The following TMEM132B variants were observed in gnomAD, a reference collection of about 807,000 sequenced individuals.
The protein encoded by TMEM132B is transmembrane protein 132B.
TMEM132B carries 18 observed loss-of-function variants against 90.8 expected under a neutral mutation model. That is an observed-to-expected ratio of 0.20 (90% CI 0.14 to 0.29). The LOEUF is 0.29. TMEM132B is among the 10% of genes least tolerant of loss of function. TMEM132B has a pLI of 1.00. For missense variants in TMEM132B, 1,096 were observed against 1,326.8 expected (o/e 0.83, Z 2.70); for synonymous variants, 504 against 523.3 (o/e 0.96, Z 0.50).
chr12:125,223,295 G>C (rs552683007), intron 1 of TMEM132B, among the ~76,000 whole-genome samples: 8 of 152,332 alleles, frequency 5.3e-5, no homozygotes, highest in African/African-American at 1.7e-4. Context: ...AAATGAGAAG[G>C]AAAGGAGATT....
At chr12:125,243,873 T>C (rs1370254177) in intron 1 of TMEM132B, among the ~76,000 whole-genome samples, 1 of 152,180 alleles carries the variant, frequency 6.6e-6, no homozygotes, top group Non-Finnish European at 1.5e-5. Flanking sequence ...AGCATTTGCC[T>C]CACCCTGAAT....
At chr12:125,564,088 A>G (rs1050730960) in intron 4 of TMEM132B, among the ~76,000 whole-genome samples, 2 of 152,242 alleles carry the variant, frequency 1.3e-5, no homozygotes, top group Non-Finnish European at 2.9e-5. Context: ...AGGCAAAGAA[A>G]GGGTACGGCT....
intron 1 of TMEM132B, among the ~76,000 whole-genome samples, chr12:125,339,998 A>C (rs1343401136): frequency 6.6e-6 from 1 of 152,226 alleles, no homozygotes; most frequent in Non-Finnish European, 1.5e-5. Context: ...GAGTGTAGTC[A>C]CACAGCAAAG....
intron 2 of TMEM132B, among the ~76,000 whole-genome samples, chr12:125,369,755 A>C (rs534851400): frequency 4.2e-4 from 64 of 152,348 alleles, no homozygotes; most frequent in African/African-American, 1.5e-3. Context: ...TAACTTTAAT[A>C]AGATATTTAA....
chr12:125,635,533 G>C (rs1240367333), intron 5 of TMEM132B, among the ~76,000 whole-genome samples: 2 of 152,136 alleles, frequency 1.3e-5, no homozygotes, highest in Non-Finnish European at 2.9e-5. Flanking sequence ...TCTTTATCCA[G>C]TCTATCATTG....
chr12:125,205,816 A>G (rs537482599), intron 1 of TMEM132B, among the ~76,000 whole-genome samples: 6 of 152,368 alleles, frequency 3.9e-5, no homozygotes, highest in African/African-American at 1.4e-4. Context: ...CAGCCAGCCC[A>G]TAATCCAGGG....
At chr12:125,593,056 TA>T (rs1464552842) in intron 5 of TMEM132B, among the ~76,000 whole-genome samples, 4 of 152,228 alleles carry the variant, frequency 2.6e-5, no homozygotes, top group Non-Finnish European at 5.9e-5. Flanking sequence ...AAAATTTATG[TA>T]AAAACACCAT....
At chr12:125,647,582 T>G (rs1310532947) in intron 6 of TMEM132B, among the ~76,000 whole-genome samples, 1 of 152,214 alleles carries the variant, frequency 6.6e-6, no homozygotes, top group Non-Finnish European at 1.5e-5. Context: ...CTCAAATTCT[T>G]TACCTGGCAA....
intron 3 of TMEM132B, among the ~76,000 whole-genome samples, chr12:125,476,674 G>A (rs1299562896): frequency 6.6e-6 from 1 of 152,194 alleles, no homozygotes; most frequent in Non-Finnish European, 1.5e-5. Flanking sequence ...AGTTGGGGGA[G>A]AGTACAAACC....
intron 3 of TMEM132B, among the ~76,000 whole-genome samples, chr12:125,449,681 G>GGT (rs1881098744): frequency 1.4e-5 from 2 of 147,792 alleles, no homozygotes; most frequent in Admixed American, 6.7e-5. Context: ...AAATTGTGGG[G>GGT]TTTTTTTTTT....
At chr12:125,210,480 G>A (rs1873295107) in intron 1 of TMEM132B, among the ~76,000 whole-genome samples, 4 of 152,288 alleles carry the variant, frequency 2.6e-5, no homozygotes, top group South Asian at 4.1e-4. Flanking sequence ...GAGGGTTTCA[G>A]CAGTGAAGTG....
chr12:125,264,730 G>GTGGCCTAATTTGTTTTC (rs1874646271), intron 1 of TMEM132B, among the ~76,000 whole-genome samples: 3 of 150,708 alleles, frequency 2.0e-5, no homozygotes, highest in Non-Finnish European at 4.5e-5. Context: ...ACAATTTAAA[G>GTGGCCTAATTTGTTTTC]TGGCCTAATT....
chr12:125,415,703 C>A lies in TMEM132B; in HGVS notation c.1106+26C>A, dbSNP rs1356067353. ...GTAAGCATGGAGATCCCCAAGGCACCTCCGCAGTGGGGAGGAGGGGAGTGG... is the reference window on the plus strand; with the variant it reads ...GTAAGCATGGAGATCCCCAAGGCACATCCGCAGTGGGGAGGAGGGGAGTGG... On this transcript the variant is annotated intron_variant, in intron 3 of 8. Transcript: ENST00000682704. This position sits in a 1 kb window ranked among gnomAD's most constrained non-coding sequence, Gnocchi z 5.3. 3.7e-6 allele frequency: 6 copies of A among 1,612,636 alleles called. 1 individual carries two copies. In the Admixed American group the frequency reaches 1.0e-4, roughly 27 times the overall value.
intron 4 of TMEM132B, among the ~76,000 whole-genome samples, chr12:125,533,689 TCCTGGAGCCCCTGCCCGGCCTGA>T (rs1883712705): frequency 6.6e-6 from 1 of 150,976 alleles, no homozygotes; most frequent in South Asian, 2.1e-4. Flanking sequence ...CGGCGGAGGC[TCCTGGAGCCCCTGCCCGGCCTGA>T]CTGGCTGCGT....
At chr12:125,550,658 T>A (rs994882198) in intron 4 of TMEM132B, among the ~76,000 whole-genome samples, 1 of 152,228 alleles carries the variant, frequency 6.6e-6, no homozygotes, top group Non-Finnish European at 1.5e-5. Context: ...TTTTTTAAGC[T>A]GATTAGGGTA....
chr12:125,586,015 A>G (rs1333961670), intron 5 of TMEM132B: 1 of 152,206 alleles, frequency 6.6e-6, no homozygotes, highest in Non-Finnish European at 1.5e-5. Context: ...AGTAAATTTT[A>G]CTATAACTCC....
intron 4 of TMEM132B, among the ~76,000 whole-genome samples, chr12:125,570,458 G>T (rs1884763732): frequency 6.6e-6 from 1 of 152,174 alleles, no homozygotes; most frequent in South Asian, 2.1e-4. Context: ...AACAGCCTTT[G>T]CTTCTTCCAT....
At chr12:125,329,775 A>T (rs553683152) in intron 1 of TMEM132B, among the ~76,000 whole-genome samples, 1 of 152,280 alleles carries the variant, frequency 6.6e-6, no homozygotes, top group East Asian at 1.9e-4. Context: ...GTGGCCAATG[A>T]AAGGAAACAA....
Position 125,644,121 on chromosome 12 carries a change from A to C in TMEM132B, c.1483A>C (p.Lys495Gln), listed in dbSNP as rs778609565. ...DSIFVNGKEMKSKVDTIVNFT... is the reference protein window; with the variant it reads ...DSIFVNGKEMQSKVDTIVNFT... ...CATTTTTGTGAATGGGAAGGAAATG[A>C]AGAGCAAAGTGGACACGATTGTGAA... The change falls in exon 6 of 9, where the codon AAG (lysine) becomes CAG (glutamine). Residue 495 changes from lysine to glutamine, a missense_variant. Lys to Gln is a moderately conservative substitution (Grantham distance 53, BLOSUM62 1). Transcript: ENST00000682704. 1 of 1,614,244 alleles carries C rather than the reference A, an allele frequency of 6.2e-7. No homozygotes were observed. The highest frequency in any genetic ancestry group is 8.5e-7 in the Non-Finnish European group (1 of 1,180,042).
Sources: gnomAD v4.1 joint callset for allele counts (sites outside exome capture counted in the v4.1 genomes callset) on GRCh38, gnomAD v4.1.1 for gene constraint, Gnocchi (gnomAD v3.1) non-coding constraint, MANE v1.5 for transcripts, NCBI Gene and HGNC (gene_info 2026-07-23, HGNC 2026-07-21) for gene names.